The following ANOS1 variants were observed in gnomAD, a reference collection of about 807,000 sequenced individuals.
ANOS1 encodes the protein anosmin 1, also known as anosmin-1.
A neutral mutation model predicts 59.0 loss-of-function variants in ANOS1; 6 were observed. The ratio of observed to expected loss-of-function variants is 0.10; its 90% confidence interval spans 0.06 to 0.20. The LOEUF is 0.20. Among genes scored for constraint, ANOS1 ranks in the 10% least tolerant of loss-of-function variants. The probability of loss-of-function intolerance (pLI) is 1.00; values close to 1 mark genes in which losing one functional copy is unlikely to be tolerated. For missense variants in ANOS1, 433 were observed against 542.3 expected (o/e 0.80, Z 2.00); for synonymous variants, 217 against 223.4 (o/e 0.97, Z 0.25).
chrX:8,621,332 C>T (rs1488346123), intron 3 of ANOS1, among the ~76,000 whole-genome samples: 1 of 96,128 alleles, frequency 1.0e-5, no homozygotes, highest in Non-Finnish European at 2.0e-5. Context: ...CGCCACTGCA[C>T]TCCAGCATGG....
At chrX:8,645,342 G>A (rs1831308342) in intron 2 of ANOS1, among the ~76,000 whole-genome samples, 1 of 111,620 alleles carries the variant, frequency 9.0e-6, no homozygotes, top group Admixed American at 9.5e-5. Context: ...TGCAGGTGTC[G>A]GCAGAATGTG....
At chrX:8,674,613 A>G (rs1569079782) in intron 2 of ANOS1, among the ~76,000 whole-genome samples, 1 of 112,409 alleles carries the variant, frequency 8.9e-6, no homozygotes, top group Non-Finnish European at 1.9e-5. Flanking sequence ...AAATTGCAAA[A>G]AAACTCACAA....
intron 2 of ANOS1, among the ~76,000 whole-genome samples, chrX:8,652,651 C>T (rs986739160): frequency 1.8e-5 from 2 of 111,153 alleles, no homozygotes; most frequent in Non-Finnish European, 3.8e-5. Flanking sequence ...ATAGAAGGTA[C>T]TCAAGCATCC....
chrX:8,574,140 A>G (rs1437804103), intron 6 of ANOS1, among the ~76,000 whole-genome samples: 1 of 110,206 alleles, frequency 9.1e-6, no homozygotes, highest in Non-Finnish European at 1.9e-5. Context: ...GCCCAGCCAC[A>G]CTGGTTCCCA....
intron 6 of ANOS1, among the ~76,000 whole-genome samples, chrX:8,572,064 C>T (rs1189424298): frequency 4.5e-5 from 5 of 111,622 alleles, no homozygotes; most frequent in Non-Finnish European, 9.4e-5. Flanking sequence ...AAGAAAGCTT[C>T]ATAGTATTTT....
intron 2 of ANOS1, among the ~76,000 whole-genome samples, chrX:8,667,955 G>C (rs1179139535): frequency 9.0e-6 from 1 of 111,455 alleles, no homozygotes; most frequent in Admixed American, 9.6e-5. Flanking sequence ...TAACTATTTT[G>C]TAGAAGTGCA....
At chrX:8,565,906 G>A (rs1930103577) in intron 8 of ANOS1, 1 of 560,079 alleles carries the variant, frequency 1.8e-6, no homozygotes, top group Admixed American at 8.9e-5. Flanking sequence ...GAGTGGTCAG[G>A]GTGGGAGGGC....
At chrX:8,536,187 G>GTT (rs1569252182) in intron 11 of ANOS1, among the ~76,000 whole-genome samples, 5 of 31,977 alleles carry the variant, frequency 1.6e-4, no homozygotes, top group African/African-American at 2.9e-4. Flanking sequence ...TAAATCCGAA[G>GTT]CTTTTTTTTT....
rs375617047 is a variant in ANOS1 at position 8,641,036 on chromosome X, T to C, written c.256-17366A>G. ...ATACTTACTTCCTCATGTCAGCCTA[T>C]ATGCAAGAAGAATAAGCCTTTTAAA... is the stretch of plus-strand genomic sequence containing the variant. On this transcript the variant is annotated intron_variant, in intron 2 of 13. Coordinates refer to ENST00000262648, the MANE Select transcript of ANOS1 (RefSeq NM_000216.4). Among the ~76,000 whole-genome samples, 6 of 112,416 alleles carry C rather than the reference T, an allele frequency of 5.3e-5. No individual in the cohort carries two copies. The South Asian group carries it at 2.2e-3, about 41-fold the overall frequency.
chrX:8,552,990 T>C (rs1929881319), intron 9 of ANOS1, among the ~76,000 whole-genome samples: 1 of 109,916 alleles, frequency 9.1e-6, no homozygotes, highest in South Asian at 3.8e-4. Context: ...TAGGAACCAC[T>C]CCAACACCAA....
intron 1 of ANOS1, among the ~76,000 whole-genome samples, chrX:8,713,592 C>CCTTTCTTTCTTTTTTTTTT (rs1354888188): frequency 9.0e-6 from 1 of 110,684 alleles, no homozygotes; most frequent in African/African-American, 3.3e-5. Flanking sequence ...CCAAATGTCT[C>CCTTTCTTTCTTTTTTTTTT]CTTTCTTTCT....
intron 2 of ANOS1, among the ~76,000 whole-genome samples, chrX:8,628,838 C>T (rs1318377774): frequency 8.9e-6 from 1 of 112,101 alleles, no homozygotes; most frequent in African/African-American, 3.2e-5. Context: ...CATCGTTTGG[C>T]AGGTAGATAC....
chrX:8,674,738 A>G (rs1440169261), intron 2 of ANOS1, among the ~76,000 whole-genome samples: 1 of 112,544 alleles, frequency 8.9e-6, no homozygotes. Flanking sequence ...AGGGAAACAG[A>G]AGGTTAAAAT....
intron 3 of ANOS1, among the ~76,000 whole-genome samples, chrX:8,615,533 AC>A (rs1189542080): frequency 2.2e-5 from 2 of 92,104 alleles, no homozygotes; most frequent in Non-Finnish European, 4.3e-5. Context: ...ACAGAGCAAG[AC>A]CCTGTCTCAA....
At chrX:8,620,844 C>T (rs1045303326) in intron 3 of ANOS1, among the ~76,000 whole-genome samples, 1 of 111,893 alleles carries the variant, frequency 8.9e-6, no homozygotes, top group African/African-American at 3.2e-5. Context: ...CATTCAAACA[C>T]CTGAGTCCCA....
chrX:8,713,770 G>A (rs770320408), intron 1 of ANOS1, among the ~76,000 whole-genome samples: 79 of 110,033 alleles, frequency 7.2e-4, no homozygotes, highest in African/African-American at 2.5e-3. Context: ...CCACCACCAC[G>A]CCTGGCTAAT....
chrX:8,668,394 C>CATATATATATAT (rs202229567), intron 2 of ANOS1, among the ~76,000 whole-genome samples: 65 of 51,552 alleles, frequency 1.3e-3, no homozygotes, highest in Non-Finnish European at 1.7e-3. Context: ...AGTATTCCAT[C>CATATATATATAT]ATATATATAT....
intron 2 of ANOS1, among the ~76,000 whole-genome samples, chrX:8,674,787 A>G (rs1000008900): frequency 2.7e-5 from 3 of 112,418 alleles, no homozygotes; most frequent in African/African-American, 9.7e-5. Flanking sequence ...GAAAATGCAC[A>G]TGTCCCATTC....
At chrX:8,533,202 CCA>C (rs1370282945) in intron 13 of ANOS1, 149 bp from the exon 14 acceptor site, 2 of 468,611 alleles carry the variant, frequency 4.3e-6, no homozygotes, top group Non-Finnish European at 7.6e-6. Context: ...GAATGTACAA[CCA>C]CACTCTTTCT....
Sources: gnomAD v4.1 joint callset for allele counts (sites outside exome capture counted in the v4.1 genomes callset) on GRCh38, gnomAD v4.1.1 for gene constraint, MANE v1.5 for transcripts, NCBI Gene and HGNC (gene_info 2026-07-23, HGNC 2026-07-21) for gene names.